CACNG2: variants seen among roughly 807,000 people sequenced by gnomAD.
The protein encoded by CACNG2 is calcium voltage-gated channel auxiliary subunit gamma 2.
In CACNG2, 3 loss-of-function variants were observed where a neutral mutation model predicts 25.9. The observed-to-expected ratio is 0.12, with a 90% confidence interval of 0.05 to 0.30. The LOEUF is 0.30. Ranked by LOEUF, CACNG2 falls within the 10% of genes least tolerant of loss-of-function variation. The pLI, the probability that CACNG2 is intolerant of heterozygous loss-of-function variation, is 1.00. For missense variants in CACNG2, 341 were observed against 432.5 expected (o/e 0.79, Z 1.88); for synonymous variants, 167 against 173.3 (o/e 0.96, Z 0.29).
intron 1 of CACNG2, among the ~76,000 whole-genome samples, chr22:36,591,922 T>G (rs574571059): frequency 6.6e-6 from 1 of 151,810 alleles, no homozygotes; most frequent in East Asian, 2.0e-4. Context: ...AGCAGGATCA[T>G]CAACTGAGAG....
chr22:36,653,480 G>A (rs899091393), intron 1 of CACNG2, among the ~76,000 whole-genome samples: 7 of 152,226 alleles, frequency 4.6e-5, no homozygotes, highest in Non-Finnish European at 2.9e-5. Context: ...CTGACCGGGG[G>A]CTGCCCGGGC....
intron 1 of CACNG2, among the ~76,000 whole-genome samples, chr22:36,618,944 GCAAA>G (rs71812082): frequency 0.7 from 106,507 of 151,284 alleles, 37,880 homozygotes; most frequent in East Asian, 0.82. Flanking sequence ...AAAACAAAAA[GCAAA>G]CAAACAAACA....
At chr22:36,679,168 TCC>T (rs1937055407) in intron 1 of CACNG2, among the ~76,000 whole-genome samples, 1 of 118,330 alleles carries the variant, frequency 8.5e-6, no homozygotes, top group African/African-American at 3.4e-5. Context: ...CTTCCTTCCT[TCC>T]TTCCTTCCTT....
At chr22:36,586,012 C>G (rs1230661891) in intron 2 of CACNG2, among the ~76,000 whole-genome samples, 1 of 152,282 alleles carries the variant, frequency 6.6e-6, no homozygotes, top group Non-Finnish European at 1.5e-5. Flanking sequence ...ATCATTCGAG[C>G]TCCACCTGGT....
chr22:36,649,973 CTG>C (rs1364594564), intron 1 of CACNG2, among the ~76,000 whole-genome samples: 1 of 152,236 alleles, frequency 6.6e-6, no homozygotes, highest in Admixed American at 6.5e-5. Flanking sequence ...CTAATACAGA[CTG>C]TGTCTCAAGA....
chr22:36,564,365 T>C lies in CACNG2; in HGVS notation c.958A>G (p.Thr320Ala). 6.2e-7 allele frequency: 1 copy of C among 1,613,462 alleles called. No homozygotes were observed. The highest frequency in any genetic ancestry group is 8.5e-7 in the Non-Finnish European group (1 of 1,179,808). Residue 320 changes from threonine to alanine, a missense_variant, in exon 4 of 4, where the codon ACC becomes GCC. Coordinates refer to ENST00000300105, the MANE Select transcript of CACNG2 (RefSeq NM_006078.5). This position sits in a 1 kb window ranked among gnomAD's most constrained non-coding sequence, Gnocchi z 6.7. ...SLHSNTANRR[T>A]TPV ...GCCCGCGGTCTTTATACGGGGGTGG[T>C]CCGGCGGTTGGCTGTGTTGGAGTGG...
At position 36,661,751 on chromosome 22, in the gene CACNG2, G is replaced by C. The variant is rs75891527; in HGVS notation, c.211+40615C>G. On this transcript the variant is annotated intron_variant, in intron 1 of 3. Transcript: ENST00000300105. ...TCACAGGACGAAAGCTCTAGGATTG[G>C]AGGCAAGGTGGCCTCATGGGCCTGG... Among the ~76,000 whole-genome samples the C allele has an allele frequency of 8.5e-3, 1,293 of 152,212 alleles. 26 individuals are homozygous for C. Among genetic ancestry groups the C allele is most frequent in the African/African-American group, 0.03 (1,242 of 41,522 alleles).
chr22:36,622,866 C>G (rs534074611), intron 1 of CACNG2, among the ~76,000 whole-genome samples: 1 of 150,500 alleles, frequency 6.6e-6, no homozygotes, highest in African/African-American at 2.4e-5. Context: ...GGCTGAGGCA[C>G]GAGAATCGCT....
At chr22:36,599,801 G>T (rs775660161) in intron 1 of CACNG2, among the ~76,000 whole-genome samples, 2 of 152,212 alleles carry the variant, frequency 1.3e-5, no homozygotes, top group African/African-American at 4.8e-5. Context: ...GAGTGCATAG[G>T]CACTCTTCAT....
chr22:36,672,475 G>A (rs183132795), intron 1 of CACNG2, among the ~76,000 whole-genome samples: 272 of 152,320 alleles, frequency 1.8e-3, no homozygotes, highest in African/African-American at 6.3e-3. Flanking sequence ...AAGGCCAAGA[G>A]CAAGAGGAAA....
intron 1 of CACNG2, among the ~76,000 whole-genome samples, chr22:36,645,144 C>T (rs1424248164): frequency 1.3e-5 from 2 of 152,102 alleles, no homozygotes; most frequent in East Asian, 1.9e-4. Flanking sequence ...GAGGTGACAG[C>T]GAGTCAGTGT....
chr22:36,645,232 C>T (rs1380877838), intron 1 of CACNG2, among the ~76,000 whole-genome samples: 1 of 152,114 alleles, frequency 6.6e-6, no homozygotes, highest in Non-Finnish European at 1.5e-5. Flanking sequence ...TTACTGTTTG[C>T]AAAGCAACCG....
chr22:36,578,982 C>T lies in CACNG2; in HGVS notation c.295+8483G>A, dbSNP rs183972232. ...ACCGGCAATAGAGTGGTCACCTCCC[C>T]GCACAGCAGCCTCGTCCTACATTCC... On this transcript the variant is annotated intron_variant, in intron 2 of 3. Transcript: ENST00000300105. 1.4e-4 allele frequency among the ~76,000 whole-genome samples: 22 copies of T among 152,216 alleles called. No individual in the cohort carries two copies. In the East Asian group the frequency reaches 3.5e-3, roughly 24 times the overall value.
intron 1 of CACNG2, among the ~76,000 whole-genome samples, chr22:36,618,421 C>T (rs1210279473): frequency 6.6e-6 from 1 of 152,248 alleles, no homozygotes; most frequent in Admixed American, 6.5e-5. Flanking sequence ...CAGGTGGCAG[C>T]TGTATGGCCT....
Position 36,647,158 on chromosome 22 carries a change from T to G in CACNG2, c.211+55208A>C, listed in dbSNP as rs1176329164. Among the ~76,000 whole-genome samples the G allele has an allele frequency of 2.6e-5, 4 of 152,064 alleles. No individual in the cohort carries two copies. The East Asian group carries it at 5.8e-4, about 22-fold the overall frequency. On this transcript the variant is annotated intron_variant, in intron 1 of 3. Transcript: ENST00000300105. ...TTACTTTGCAAAAAAAGCCTTCCGC[T>G]TCTCTCTCTCTCTCCTCCCCATCCT...
intron 1 of CACNG2, among the ~76,000 whole-genome samples, chr22:36,628,670 A>G (rs1192538125): frequency 6.6e-6 from 1 of 152,114 alleles, no homozygotes; most frequent in Non-Finnish European, 1.5e-5. Context: ...TTCTGGCATG[A>G]AACTGTCAAG....
At chr22:36,667,070 A>G (rs1936885173) in intron 1 of CACNG2, among the ~76,000 whole-genome samples, 1 of 150,630 alleles carries the variant, frequency 6.6e-6, no homozygotes. Context: ...GCTCACTGCA[A>G]CCTCCACCTC....
intron 1 of CACNG2, among the ~76,000 whole-genome samples, chr22:36,679,197 C>CTTTCTTCCTTT (rs1937060219): frequency 1.8e-5 from 1 of 54,786 alleles, no homozygotes; most frequent in African/African-American, 6.9e-5. Context: ...TTCCTTCCTT[C>CTTTCTTCCTTT]CTTTCTTTCT....
rs34363201 is a variant in CACNG2, at chr22:36,563,844, TA to T, written c.*506del. 29,581 of 121,274 alleles carry T rather than the reference TA, an allele frequency of 0.24. 3,486 individuals are homozygous for T. The highest frequency in any genetic ancestry group is 0.27 in the Non-Finnish European group (15,422 of 58,082). The allele number at this position is 121,274 out of a possible 1,614,324, so 7.5% of individuals were successfully genotyped here. A position where few individuals can be genotyped will look rare whatever the true frequency, so the allele number is the denominator to read the frequency against. ...AACAGAAAAGTAACTCTCCCCGAGT[TA>T]AAAAAAAAAAAAAAAAGTAACATAA... is the stretch of plus-strand genomic sequence containing the variant. On this transcript the variant is annotated 3_prime_UTR_variant, in exon 4 of 4. Coordinates refer to ENST00000300105, the MANE Select transcript of CACNG2 (RefSeq NM_006078.5).
Sources: gnomAD v4.1 joint callset for allele counts (sites outside exome capture counted in the v4.1 genomes callset) on GRCh38, gnomAD v4.1.1 for gene constraint, Gnocchi (gnomAD v3.1) non-coding constraint, MANE v1.5 for transcripts, NCBI Gene and HGNC (gene_info 2026-07-23, HGNC 2026-07-21) for gene names.